Variants in NDRG2 observed in about 807,000 individuals in gnomAD.
The protein encoded by NDRG2 is protein NDRG2.
In NDRG2, 34 loss-of-function variants were observed where a neutral mutation model predicts 58.2. That is an observed-to-expected ratio of 0.58 (90% CI 0.44 to 0.78). NDRG2 has a LOEUF of 0.78. NDRG2 is among the 30% of genes least tolerant of loss of function. The pLI, the probability that NDRG2 is intolerant of heterozygous loss-of-function variation, is 0.00. For missense variants in NDRG2, 434 were observed against 471.2 expected (o/e 0.92, Z 0.73); for synonymous variants, 187 against 175.9 (o/e 1.06, Z -0.50).
intron 1 of NDRG2, among the ~76,000 whole-genome samples, chr14:21,055,714 G>T (rs1301729649): frequency 6.6e-6 from 1 of 152,162 alleles, no homozygotes; most frequent in Non-Finnish European, 1.5e-5. Flanking sequence ...CTGGGCTCCT[G>T]CTACCATCCC....
rs996408504 is a variant in NDRG2 at position 21,021,739 on chromosome 14, C to T, written c.407+78G>A. 7.7e-5 allele frequency: 114 copies of T among 1,476,900 alleles called. No homozygotes were observed. The African/African-American group carries it at 1.2e-3, about 16-fold the overall frequency. 91.5% of individuals were successfully genotyped at this position (1,476,900 alleles called of 1,614,324 possible). On this transcript the variant is annotated intron_variant, in intron 6 of 15. Transcript: ENST00000556147. ...GAAGCTGAAACTGGCTCAGGAACCA[C>T]GGTGAACCTGGAAGTTCTAAGGGTC...
chr14:21,051,856 TCGTGGTACTG>T (rs1398115649), intron 1 of NDRG2, among the ~76,000 whole-genome samples: 1 of 152,194 alleles, frequency 6.6e-6, no homozygotes, highest in Non-Finnish European at 1.5e-5. Context: ...AAGACGACCC[TCGTGGTACTG>T]CTGTCCTTCA....
chr14:21,053,346 G>T (rs559768243), intron 1 of NDRG2, among the ~76,000 whole-genome samples: 1 of 152,294 alleles, frequency 6.6e-6, no homozygotes, highest in Middle Eastern at 3.4e-3. Context: ...GCCGCACTTT[G>T]GCCGGGCGCA....
upstream of NDRG2, chr14:21,025,591 G>A (rs191547840): frequency 5.2e-4 from 510 of 985,444 alleles, 1 homozygote; most frequent in African/African-American, 8.3e-3. The surrounding 1 kb of genome is among the most constrained non-coding windows in gnomAD (Gnocchi z 5.1). Context: ...GGCTGGCAGG[G>A]GCAGGTGTGC....
In NDRG2 at chr14:21,052,587, T is replaced by C. The variant is rs576613491; in HGVS notation, c.24+18241A>G. The stretch of plus-strand genomic sequence containing the variant: ...TCAGGTTATTAGGATAGAATTTGGT[T>C]AGAATAGTTTGTGTTCGGAGGGAAG... On this transcript the variant is annotated intron_variant, in intron 1 of 14. Transcript: ENST00000403829. 5.0e-4 allele frequency among the ~76,000 whole-genome samples: 76 copies of C among 152,250 alleles called. No individual in the cohort carries two copies. In the South Asian group the frequency reaches 0.015, roughly 29 times the overall value.
Position 21,017,732 on chromosome 14 carries a change from C to G in NDRG2, c.980G>C (p.Arg327Pro). 1 of 1,601,636 alleles carries G rather than the reference C, an allele frequency of 6.2e-7. No homozygotes were observed. Among genetic ancestry groups the G allele is most frequent in the Non-Finnish European group, 8.5e-7 (1 of 1,173,882 alleles). Residue 327 changes from arginine (R) to proline (P), a missense_variant, in exon 16 of 16, where the codon CGG becomes CCG. By Grantham distance (103) the Arg-to-Pro change is moderately radical (BLOSUM62 -2). Transcript: ENST00000556147. ...ACTGGTCAGAGAGGCTGTACGAGAC[C>G]GGGACAGGCGAGTCATGCAGGATGA... ...MASSCMTRLSRSRTASLTSAA... is the reference protein window; with the variant it reads ...MASSCMTRLSPSRTASLTSAA...
chr14:21,018,857 C>T (rs1342566776), intron 11 of NDRG2, 43 bp from the exon 12 acceptor site: 3 of 1,611,584 alleles, frequency 1.9e-6, no homozygotes, highest in Non-Finnish European at 1.7e-6. Context: ...GCCCCTGGCA[C>T]TCCCTCACTG....
Position 21,024,193 on chromosome 14 carries a change from A to G in NDRG2, c.-170T>C, listed in dbSNP as rs1320666841. ...AGCCAAGACCCAGACTCCCAGGGTCATCAACCTCCTCGGGTCACTAACCCT... is the reference window on the plus strand; with the variant it reads ...AGCCAAGACCCAGACTCCCAGGGTCGTCAACCTCCTCGGGTCACTAACCCT... On this transcript the variant is annotated 5_prime_UTR_variant, in exon 1 of 16. An upstream start codon of the reference 5' UTR is lost. Coordinates refer to ENST00000556147, the MANE Select transcript of NDRG2 (RefSeq NM_001320329.2). The G allele has an allele frequency of 1.0e-6, 1 of 985,366 alleles. No individual in the cohort carries two copies. The highest frequency in any genetic ancestry group is 1.7e-5 in the African/African-American group (1 of 57,238). The allele number at this position is 985,366 out of a possible 1,614,324, so 61.0% of individuals were successfully genotyped here.
chr14:21,070,791 T>G lies in NDRG2; in HGVS notation c.24+37A>C. On this transcript the variant is annotated intron_variant, in intron 1 of 14. Coordinates refer to the NDRG2 transcript ENST00000403829. The surrounding 1 kb of genome is among the most constrained non-coding windows in gnomAD (Gnocchi z 4.7). The stretch of plus-strand genomic sequence containing the variant: ...CTGCGGGTTGGTCCTGCAGCGACCC[T>G]GGAAGAGGCCCGGCCCCTCGGGTCA... The G allele has an allele frequency of 3.3e-6, 5 of 1,534,438 alleles. No individual in the cohort carries two copies. The highest frequency in any genetic ancestry group is 2.5e-5 in the East Asian group (1 of 40,758).
chr14:21,038,573 A>G (rs1884757081), intron 1 of NDRG2, among the ~76,000 whole-genome samples: 1 of 152,224 alleles, frequency 6.6e-6, no homozygotes, highest in African/African-American at 2.4e-5. Context: ...AAAGAGGATT[A>G]TGAAAGACAT....
upstream of NDRG2, chr14:21,025,363 C>T: frequency 1.0e-6 from 1 of 985,388 alleles, no homozygotes; most frequent in Middle Eastern, 5.2e-4. This position sits in a 1 kb window ranked among gnomAD's most constrained non-coding sequence, Gnocchi z 5.1. Flanking sequence ...AGGGATCCCT[C>T]GGCTGCCCTC....
At chr14:21,031,144 C>T (rs528214749) in intron 1 of NDRG2, 4 of 1,613,828 alleles carry the variant, frequency 2.5e-6, no homozygotes, top group Non-Finnish European at 8.5e-7. Flanking sequence ...AGGGCAAAGA[C>T]CCAGCCACCA....
At chr14:21,030,498 C>T (rs1884003876), upstream of NDRG2, 1 of 1,406,454 alleles carries the variant, frequency 7.1e-7, no homozygotes, top group South Asian at 1.4e-5. Flanking sequence ...AACACTCATC[C>T]TCATTACTCC....
intron 1 of NDRG2, among the ~76,000 whole-genome samples, chr14:21,063,441 T>C (rs1886080577): frequency 6.6e-6 from 1 of 152,180 alleles, no homozygotes; most frequent in African/African-American, 2.4e-5. Context: ...CTTGGGGTTA[T>C]TTGGAGGCAA....
chr14:21,057,530 G>A (rs1885728042), intron 1 of NDRG2, among the ~76,000 whole-genome samples: 1 of 150,974 alleles, frequency 6.6e-6, no homozygotes, highest in African/African-American at 2.4e-5. Flanking sequence ...TAGGGAACTT[G>A]AGAGGTCCTG....
chr14:21,018,857 C>G, intron 11 of NDRG2, 43 bp from the exon 12 acceptor site: 2 of 1,611,584 alleles, frequency 1.2e-6, no homozygotes, highest in Non-Finnish European at 1.7e-6. Context: ...GCCCCTGGCA[C>G]TCCCTCACTG....
At chr14:21,025,504 C>T (rs7143351), upstream of NDRG2, 8,789 of 985,400 alleles carry the variant, frequency 8.9e-3, 526 homozygotes, top group African/African-American at 0.13. This position sits in a 1 kb window ranked among gnomAD's most constrained non-coding sequence, Gnocchi z 5.1. Flanking sequence ...TTCGACTCCC[C>T]CCGCCCGAAC....
In NDRG2 at chr14:21,070,007, C is replaced by A. The variant is rs972967380; in HGVS notation, c.24+821G>T. ...CGAGGCCGTGGCGGGAAAAGAGGGG[C>A]ATCCTCGGCTGGGCGGGCCTCCGAG... is the stretch of plus-strand genomic sequence containing the variant. On this transcript the variant is annotated intron_variant, in intron 1 of 14. Coordinates refer to the NDRG2 transcript ENST00000403829. The surrounding 1 kb of genome is among the most constrained non-coding windows in gnomAD (Gnocchi z 4.7). Among the ~76,000 whole-genome samples, 4 of 152,072 alleles carry A rather than the reference C, an allele frequency of 2.6e-5. No individual in the cohort carries two copies. The highest frequency in any genetic ancestry group is 9.7e-5 in the African/African-American group (4 of 41,420).
chr14:21,020,106 C>T (rs1269898543), intron 8 of NDRG2, 130 bp from the exon 9 acceptor site: 1 of 740,462 alleles, frequency 1.4e-6, no homozygotes, highest in African/African-American at 1.7e-5. Context: ...CCACCCTGGC[C>T]AAGATGGTGA....
Sources: gnomAD v4.1 joint callset for allele counts (sites outside exome capture counted in the v4.1 genomes callset) on GRCh38, gnomAD v4.1.1 for gene constraint, Gnocchi (gnomAD v3.1) non-coding constraint, MANE v1.5 for transcripts, NCBI Gene and HGNC (gene_info 2026-07-23, HGNC 2026-07-21) for gene names.